The following CPNE8 variants were observed in gnomAD, a reference collection of about 807,000 sequenced individuals.
CPNE8 encodes the protein copine-8.
A neutral mutation model predicts 81.5 loss-of-function variants in CPNE8; 45 were observed. That is an observed-to-expected ratio of 0.55 (90% CI 0.44 to 0.71). CPNE8 has a LOEUF of 0.71. Ranked by LOEUF, CPNE8 falls within the 30% of genes least tolerant of loss-of-function variation. CPNE8 has a pLI of 0.00. For synonymous variants in CPNE8, 252 were observed against 226.3 expected (o/e 1.11, Z -1.02); for missense variants, 594 against 672.1 (o/e 0.88, Z 1.28).
In CPNE8 at chr12:38,839,852, T is replaced by C. The variant is rs1164924792; in HGVS notation, c.330+64A>G. The stretch of plus-strand genomic sequence containing the variant: ...AATAGATGTATAACTTTAATATTAA[T>C]AAGTCAGCATAAGTACTAATCATTG... On this transcript the variant is annotated intron_variant, in intron 5 of 19. Coordinates refer to ENST00000331366, the MANE Select transcript of CPNE8 (RefSeq NM_153634.3). 3.0e-6 allele frequency: 4 copies of C among 1,346,888 alleles called. No homozygotes were observed. In the African/African-American group the frequency reaches 5.9e-5, roughly 20 times the overall value. 83.4% of individuals were successfully genotyped at this position (1,346,888 alleles called of 1,614,324 possible). A position where few individuals can be genotyped will look rare whatever the true frequency, so the allele number is the denominator to read the frequency against.
chr12:38,742,700 AAATAAATAAAT>A (rs1309381232), intron 10 of CPNE8, among the ~76,000 whole-genome samples: 11 of 139,872 alleles, frequency 7.9e-5, no homozygotes, highest in African/African-American at 2.5e-4. Flanking sequence ...ATAAATAAAT[AAATAAATAAAT>A]ATAAAACATA....
intron 5 of CPNE8, among the ~76,000 whole-genome samples, chr12:38,835,161 A>T (rs1276992313): frequency 6.6e-6 from 1 of 152,102 alleles, no homozygotes; most frequent in Non-Finnish European, 1.5e-5. Flanking sequence ...CTGGGATTAC[A>T]AGCATGAGCC....
Position 38,760,744 on chromosome 12 carries a change from A to G in CPNE8, c.722+103T>C, listed in dbSNP as rs150643392. ...CAGTAACATTTGGAAAAACAAAACAAATATGCCATCTAAAAATTACAATTT... is the reference window on the plus strand; with the variant it reads ...CAGTAACATTTGGAAAAACAAAACAGATATGCCATCTAAAAATTACAATTT... On this transcript the variant is annotated intron_variant, in intron 10 of 19. Transcript: ENST00000331366. 42 of 915,124 alleles carry G rather than the reference A, an allele frequency of 4.6e-5. No homozygotes were observed. The African/African-American group carries it at 5.0e-4, about 11-fold the overall frequency. The allele number at this position is 915,124 out of a possible 1,614,324, so 56.7% of individuals were successfully genotyped here. A position where few individuals can be genotyped will look rare whatever the true frequency, so the allele number is the denominator to read the frequency against.
chr12:38,902,407 GAA>G lies in CPNE8; in HGVS notation c.98+3028_98+3029del, dbSNP rs770095367. On this transcript the variant is annotated intron_variant, in intron 1 of 19. Coordinates refer to ENST00000331366, the MANE Select transcript of CPNE8 (RefSeq NM_153634.3). ...AAAGAAAGAAAGAGAAAGAAAGAAA[GAA>G]AGAAAGAAAAAGAAAGAAAGAAAGA... is the stretch of plus-strand genomic sequence containing the variant. Among the ~76,000 whole-genome samples the G allele has an allele frequency of 1.5e-3, 215 of 139,520 alleles. 19 individuals are homozygous for G. Among genetic ancestry groups the G allele is most frequent in the African/African-American group, 5.9e-3 (193 of 32,876 alleles). The allele number at this position is 139,520 out of a possible 152,430, so 91.5% of individuals were successfully genotyped here.
chr12:38,885,116 A>G (rs995436135), intron 1 of CPNE8, among the ~76,000 whole-genome samples: 4 of 152,230 alleles, frequency 2.6e-5, no homozygotes, highest in Admixed American at 6.5e-5. Context: ...TAAGCTTTAT[A>G]TGAAGCCTAG....
chr12:38,708,629 T>C (rs945113526), intron 13 of CPNE8, among the ~76,000 whole-genome samples: 3 of 152,194 alleles, frequency 2.0e-5, no homozygotes, highest in Non-Finnish European at 4.4e-5. Flanking sequence ...ACATATGTCC[T>C]AGTACTACTA....
intron 5 of CPNE8, among the ~76,000 whole-genome samples, chr12:38,838,017 C>T (rs1005927048): frequency 1.3e-5 from 2 of 151,926 alleles, no homozygotes; most frequent in Non-Finnish European, 2.9e-5. Flanking sequence ...AAGAATTAGC[C>T]ATGTTTAAGG....
At chr12:38,888,536 C>A (rs940854920) in intron 1 of CPNE8, among the ~76,000 whole-genome samples, 1 of 152,072 alleles carries the variant, frequency 6.6e-6, no homozygotes, top group Non-Finnish European at 1.5e-5. Context: ...AGAATTTAAA[C>A]AGAAGAAGGA....
At chr12:38,710,784 C>T (rs1045355074) in intron 13 of CPNE8, among the ~76,000 whole-genome samples, 1 of 152,176 alleles carries the variant, frequency 6.6e-6, no homozygotes, top group Non-Finnish European at 1.5e-5. Flanking sequence ...GAGGGGTACA[C>T]TGTCTGTACA....
At chr12:38,721,446 A>C (rs1940562103) in intron 13 of CPNE8, among the ~76,000 whole-genome samples, 1 of 151,878 alleles carries the variant, frequency 6.6e-6, no homozygotes. Flanking sequence ...GGAGCTAAAC[A>C]CTAGGGGCGC....
chr12:38,799,109 A>C (rs895964999), intron 6 of CPNE8, among the ~76,000 whole-genome samples: 20 of 152,208 alleles, frequency 1.3e-4, no homozygotes, highest in African/African-American at 4.8e-4. Context: ...GGGAGACTTT[A>C]ACACCCCACT....
chr12:38,660,912 C>T (rs1938937108), intron 19 of CPNE8, among the ~76,000 whole-genome samples: 1 of 152,152 alleles, frequency 6.6e-6, no homozygotes, highest in African/African-American at 2.4e-5. Flanking sequence ...AATGAGATAC[C>T]ATCTCACACC....
At chr12:38,761,366 A>G (rs945001067) in intron 9 of CPNE8, among the ~76,000 whole-genome samples, 4 of 152,154 alleles carry the variant, frequency 2.6e-5, no homozygotes, top group African/African-American at 9.7e-5. Context: ...TGATGCTGCT[A>G]ATCAGGAAGA....
At chr12:38,755,550 A>G (rs1422508670) in intron 10 of CPNE8, among the ~76,000 whole-genome samples, 4 of 152,152 alleles carry the variant, frequency 2.6e-5, no homozygotes, top group Non-Finnish European at 5.9e-5. Context: ...TAGCTTTTCA[A>G]TTGTTAAAGT....
At position 38,762,123 on chromosome 12, in the gene CPNE8, T is replaced by A; in HGVS notation, c.669A>T (p.Gly223=). ...FKISVRALCN[G]DYDRTIKVEV... is the part of the protein sequence containing the mutation. ...ACTATCCTTCTTACCTGTCATAGTC[T>A]CCATTACATAATGCTCTGACTGAGA... Residue 223 remains glycine (G), a synonymous_variant, in exon 9 of 20, where the codon GGA becomes GGT. Coordinates refer to ENST00000331366, the MANE Select transcript of CPNE8 (RefSeq NM_153634.3). The A allele has an allele frequency of 6.6e-7, 1 of 1,525,308 alleles. No homozygotes were observed. Among genetic ancestry groups the A allele is most frequent in the Non-Finnish European group, 8.9e-7 (1 of 1,126,056 alleles). The allele number at this position is 1,525,308 out of a possible 1,614,324, so 94.5% of individuals were successfully genotyped here.
intron 6 of CPNE8, among the ~76,000 whole-genome samples, chr12:38,797,883 C>G (rs371030805): frequency 1.3e-5 from 2 of 151,920 alleles, no homozygotes; most frequent in African/African-American, 4.8e-5. Context: ...AGCAAAGGCT[C>G]GAGAACTACG....
chr12:38,797,979 C>T lies in CPNE8; in HGVS notation c.408-21678G>A, dbSNP rs529162202. Among the ~76,000 whole-genome samples, 1,114 of 151,726 alleles carry T rather than the reference C, an allele frequency of 7.3e-3. 17 individuals carry two copies. The highest frequency in any genetic ancestry group is 0.024 in the African/African-American group (997 of 41,372). The stretch of plus-strand genomic sequence containing the variant: ...GGAAGATGAAATGAATGAAATGAAG[C>T]GAGAAGGGAAGTTTAGAGAAAAAAG... On this transcript the variant is annotated intron_variant, in intron 6 of 19. Coordinates refer to ENST00000331366, the MANE Select transcript of CPNE8 (RefSeq NM_153634.3).
At position 38,803,503 on chromosome 12, in the gene CPNE8, T is replaced by C. The variant is rs1942738398; in HGVS notation, c.407+25876A>G. Among the ~76,000 whole-genome samples the C allele has an allele frequency of 5.4e-5, 8 of 149,418 alleles. No homozygotes were observed. In the South Asian group the frequency reaches 1.7e-3, roughly 32 times the overall value. ...CAATAAATTAGGTATTGATGGGACG[T>C]ATTTCAGAATAATAAGAGCTATCTA... On this transcript the variant is annotated intron_variant, in intron 6 of 19. Coordinates refer to ENST00000331366, the MANE Select transcript of CPNE8 (RefSeq NM_153634.3).
chr12:38,806,932 T>C (rs963031402), intron 6 of CPNE8, among the ~76,000 whole-genome samples: 10 of 150,096 alleles, frequency 6.7e-5, no homozygotes, highest in African/African-American at 1.9e-4. Context: ...TGTACAAAAA[T>C]CACAAGCATT....
Sources: allele counts gnomAD v4.1 joint callset (sites outside exome capture counted in the v4.1 genomes callset), GRCh38; gene constraint gnomAD v4.1.1; transcripts MANE v1.5; gene names NCBI Gene and HGNC (gene_info 2026-07-23, HGNC 2026-07-21).